KCND2: variants seen among roughly 807,000 people sequenced by gnomAD.
The protein encoded by KCND2 is A-type voltage-gated potassium channel KCND2.
Under a neutral mutation model 54.4 loss-of-function variants are expected in KCND2, and 16 were observed. The ratio of observed to expected loss-of-function variants is 0.29; its 90% CI spans 0.20 to 0.45. The LOEUF (loss-of-function observed/expected upper bound fraction) is 0.45, where lower values mean the gene tolerates loss of function less well. KCND2 is among the 20% of genes least tolerant of loss of function. The pLI, the probability that KCND2 is intolerant of heterozygous loss-of-function variation, is 1.00. For missense variants in KCND2, 486 were observed against 824.2 expected, an observed-to-expected ratio of 0.59 and a Z score of 5.02; for synonymous variants, 317 against 310.7, an observed-to-expected ratio of 1.02 and a Z score of -0.21.
In KCND2 at chr7:120,367,869, A is replaced by G. The variant is rs187024538; in HGVS notation, c.1115+92122A>G. Among the ~76,000 whole-genome samples the G allele has an allele frequency of 6.2e-4, 94 of 152,226 alleles. 2 individuals are homozygous for G. The South Asian group carries it at 0.013, about 22-fold the overall frequency. Reference sequence around the variant, plus strand: ...CTAAATATTTCGTTTTCATTGTCCTATCAAGGTGACTAGGGAAGGACTGCA... The same window carrying G: ...CTAAATATTTCGTTTTCATTGTCCTGTCAAGGTGACTAGGGAAGGACTGCA... On this transcript the variant is annotated intron_variant, in intron 1 of 5. Coordinates refer to ENST00000331113, the MANE Select transcript of KCND2 (RefSeq NM_012281.3).
At chr7:120,529,977 G>A (rs1791823094) in intron 1 of KCND2, among the ~76,000 whole-genome samples, 1 of 152,014 alleles carries the variant, frequency 6.6e-6, no homozygotes. Flanking sequence ...GGAGTGTGAG[G>A]TGAGAGAATC....
chr7:120,700,665 C>T (rs1334364964), intron 1 of KCND2, among the ~76,000 whole-genome samples: 1 of 152,076 alleles, frequency 6.6e-6, no homozygotes, highest in African/African-American at 2.4e-5. Flanking sequence ...GGGCAAGGTC[C>T]TTCATGAAAT....
At chr7:120,459,523 A>G (rs1212153453) in intron 1 of KCND2, among the ~76,000 whole-genome samples, 2 of 152,072 alleles carry the variant, frequency 1.3e-5, no homozygotes, top group Admixed American at 6.6e-5. Context: ...TATATCATTT[A>G]TTTATTTTGT....
At chr7:120,561,598 ATTTTTTTTTT>A (rs57015988) in intron 1 of KCND2, among the ~76,000 whole-genome samples, 1 of 47,280 alleles carries the variant, frequency 2.1e-5, no homozygotes, top group Non-Finnish European at 3.9e-5. Context: ...AAGCTACCTG[ATTTTTTTTTT>A]TTTTTTTTTT....
chr7:120,630,695 A>G (rs886124874), intron 1 of KCND2, among the ~76,000 whole-genome samples: 4 of 152,196 alleles, frequency 2.6e-5, no homozygotes, highest in African/African-American at 9.6e-5. Flanking sequence ...AAAGAATGAC[A>G]GAATTGTGAT....
intron 1 of KCND2, among the ~76,000 whole-genome samples, chr7:120,646,484 G>T (rs921906500): frequency 6.6e-6 from 1 of 152,108 alleles, no homozygotes; most frequent in African/African-American, 2.4e-5. Flanking sequence ...TGTTTATGGT[G>T]ATTTTTTTCT....
At chr7:120,420,855 C>T (rs1463745367) in intron 1 of KCND2, among the ~76,000 whole-genome samples, 1 of 151,992 alleles carries the variant, frequency 6.6e-6, no homozygotes, top group African/African-American at 2.4e-5. Flanking sequence ...CATCAGAATC[C>T]CGCATTATTA....
At chr7:120,388,713 C>T (rs1159859687) in intron 1 of KCND2, among the ~76,000 whole-genome samples, 1 of 151,884 alleles carries the variant, frequency 6.6e-6, no homozygotes, top group East Asian at 1.9e-4. Context: ...CATCCATGGG[C>T]TATGTGTATT....
intron 1 of KCND2, among the ~76,000 whole-genome samples, chr7:120,709,064 G>A (rs1032518492): frequency 6.6e-6 from 1 of 152,104 alleles, no homozygotes; most frequent in Non-Finnish European, 1.5e-5. Context: ...ATGTTACCCT[G>A]TCCGTGCTAC....
At chr7:120,362,409 C>T (rs1222496979) in intron 1 of KCND2, among the ~76,000 whole-genome samples, 1 of 152,054 alleles carries the variant, frequency 6.6e-6, no homozygotes, top group Non-Finnish European at 1.5e-5. Flanking sequence ...TCTCCAAAGA[C>T]ATCTAATTAG....
intron 1 of KCND2, among the ~76,000 whole-genome samples, chr7:120,359,396 G>A (rs1440265261): frequency 6.6e-6 from 1 of 152,014 alleles, no homozygotes; most frequent in Non-Finnish European, 1.5e-5. Flanking sequence ...GACCACCACC[G>A]ATATGGGTTG....
intron 1 of KCND2, among the ~76,000 whole-genome samples, chr7:120,415,916 A>T (rs1375892896): frequency 1.3e-5 from 2 of 152,192 alleles, no homozygotes; most frequent in African/African-American, 4.8e-5. Context: ...CGTTTACAAA[A>T]TCAGAAACCG....
intron 1 of KCND2, among the ~76,000 whole-genome samples, chr7:120,667,236 G>A (rs1202882744): frequency 1.3e-5 from 2 of 152,014 alleles, no homozygotes; most frequent in East Asian, 1.9e-4. Flanking sequence ...CGGTTAGAGT[G>A]ATGTGGTCGA....
intron 1 of KCND2, among the ~76,000 whole-genome samples, chr7:120,644,363 T>C (rs565233807): frequency 9.2e-5 from 14 of 152,216 alleles, no homozygotes; most frequent in African/African-American, 3.1e-4. Context: ...CAAAATAAGA[T>C]TTAACAAATC....
chr7:120,745,502 T>G (rs1792994715), intron 4 of KCND2, among the ~76,000 whole-genome samples: 1 of 152,024 alleles, frequency 6.6e-6, no homozygotes, highest in African/African-American at 2.4e-5. Context: ...GATTTTATGT[T>G]TAAATAAATA....
intron 1 of KCND2, among the ~76,000 whole-genome samples, chr7:120,655,972 G>A (rs1791796802): frequency 6.6e-6 from 1 of 151,970 alleles, no homozygotes; most frequent in African/African-American, 2.4e-5. Flanking sequence ...CAATCTACAA[G>A]CTTTCCTGAG....
At chr7:120,592,641 C>A (rs2116459961) in intron 1 of KCND2, among the ~76,000 whole-genome samples, 1 of 152,296 alleles carries the variant, frequency 6.6e-6, no homozygotes, top group African/African-American at 2.4e-5. Flanking sequence ...GTCAAAAAAG[C>A]ACATTCGTCT....
At chr7:120,379,740 A>G (rs1800888451) in intron 1 of KCND2, among the ~76,000 whole-genome samples, 1 of 151,982 alleles carries the variant, frequency 6.6e-6, no homozygotes, top group South Asian at 2.1e-4. Flanking sequence ...AGGGGCAGGG[A>G]AACACTTCTG....
At chr7:120,470,825 T>G (rs1456388923) in intron 1 of KCND2, among the ~76,000 whole-genome samples, 1 of 149,392 alleles carries the variant, frequency 6.7e-6, no homozygotes, top group African/African-American at 2.5e-5. Context: ...GACATTATAT[T>G]TAAAATATAT....
Sources: allele counts gnomAD v4.1 joint callset (sites outside exome capture counted in the v4.1 genomes callset), GRCh38; gene constraint gnomAD v4.1.1; transcripts MANE v1.5; gene names NCBI Gene and HGNC (gene_info 2026-07-23, HGNC 2026-07-21).